CEP126: variants seen among roughly 807,000 people sequenced by gnomAD.
The protein encoded by CEP126 is centrosomal protein of 126 kDa.
A neutral mutation model predicts 107.8 loss-of-function variants in CEP126; 74 were observed. The observed-to-expected ratio is 0.69, with a 90% confidence interval of 0.57 to 0.83. The LOEUF is 0.83. CEP126 is among the 40% of genes least tolerant of loss of function. The probability of loss-of-function intolerance (pLI) is 0.00; values close to 1 mark genes in which losing one functional copy is unlikely to be tolerated. For synonymous variants in CEP126, 449 were observed against 446.0 expected (o/e 1.01, Z -0.08); for missense variants, 1,237 against 1,281.9 (o/e 0.96, Z 0.53).
chr11:101,962,076 A>G lies in CEP126; in HGVS notation c.1041A>G (p.Glu347=). ...CATGGGAATATTTTAATAGTAAAGA[A>G]CAAAATCCATCTCCTTTGAATGGAA... The part of the protein sequence containing the change: ...LPSWEYFNSK[E]QNPSPLNGTV... The change falls in exon 6 of 11, where the codon GAA becomes GAG. Residue 347 remains glutamate, a synonymous_variant. Coordinates refer to ENST00000263468, the MANE Select transcript of CEP126 (RefSeq NM_020802.4). The G allele has an allele frequency of 6.2e-7, 1 of 1,612,860 alleles. No individual in the cohort carries two copies. Among genetic ancestry groups the G allele is most frequent in the Non-Finnish European group, 8.5e-7 (1 of 1,179,442 alleles).
chr11:101,958,234 A>T lies in CEP126; in HGVS notation c.573A>T (p.Leu191Phe), dbSNP rs777182029. ...KNDHKHQKQL[L>F]SKINCEKEMN... ...ATCACAAGCATCAGAAACAACTCTTATCCAAAATCAATTGTGAGAAAGAAA... is the reference window on the plus strand; with the variant it reads ...ATCACAAGCATCAGAAACAACTCTTTTCCAAAATCAATTGTGAGAAAGAAA... Residue 191 changes from leucine (L) to phenylalanine (F), a missense_variant, in exon 5 of 11, where the codon TTA (leucine) becomes TTT (phenylalanine). Physicochemically the swap from Leu to Phe is conservative, Grantham distance 22. Coordinates refer to ENST00000263468, the MANE Select transcript of CEP126 (RefSeq NM_020802.4). 2 of 1,614,008 alleles carry T rather than the reference A, an allele frequency of 1.2e-6. No homozygotes were observed. Among genetic ancestry groups the T allele is most frequent in the Non-Finnish European group, 1.7e-6 (2 of 1,179,928 alleles).
At chr11:101,925,521 AG>A (rs978596376) in intron 2 of CEP126, among the ~76,000 whole-genome samples, 1 of 150,688 alleles carries the variant, frequency 6.6e-6, no homozygotes, top group Non-Finnish European at 1.5e-5. Flanking sequence ...CTGTAATCCT[AG>A]CACTTTGGGA....
chr11:101,999,168 T>C lies in CEP126; in HGVS notation c.*1525T>C, dbSNP rs919030760. On this transcript the variant is annotated 3_prime_UTR_variant, in exon 11 of 11. Transcript: ENST00000263468. ...ATAGAAAATATTTGAGAATTTCTTATACTATCAAGAAAAAATTCTGTGAAT... is the reference window on the plus strand; with the variant it reads ...ATAGAAAATATTTGAGAATTTCTTACACTATCAAGAAAAAATTCTGTGAAT... 6 of 152,164 alleles carry C rather than the reference T, an allele frequency of 3.9e-5. No homozygotes were observed. Among genetic ancestry groups the C allele is most frequent in the African/African-American group, 1.4e-4 (6 of 41,446 alleles). The allele number at this position is 152,164 out of a possible 1,614,324, so 9.4% of individuals were successfully genotyped here. A position where few individuals can be genotyped will look rare whatever the true frequency, so the allele number is the denominator to read the frequency against.
chr11:101,991,362 TTCG>T (rs1941379364), intron 9 of CEP126, among the ~76,000 whole-genome samples: 1 of 152,026 alleles, frequency 6.6e-6, no homozygotes, highest in South Asian at 2.1e-4. Context: ...ATATCCAGCA[TTCG>T]TCAAAAATTA....
chr11:101,974,957 G>A (rs1353212099), intron 6 of CEP126, among the ~76,000 whole-genome samples: 2 of 152,192 alleles, frequency 1.3e-5, no homozygotes, highest in African/African-American at 4.8e-5. Flanking sequence ...GAAAATTGAT[G>A]AGCAAACTGA....
At chr11:101,943,061 A>G (rs1414017133) in intron 2 of CEP126, among the ~76,000 whole-genome samples, 2 of 149,358 alleles carry the variant, frequency 1.3e-5, no homozygotes, top group Non-Finnish European at 3.0e-5. Flanking sequence ...AGTTAATTTC[A>G]CTTTTTCCTT....
intron 1 of CEP126, among the ~76,000 whole-genome samples, chr11:101,917,491 C>T (rs1011352936): frequency 1.3e-5 from 2 of 151,576 alleles, no homozygotes; most frequent in Admixed American, 6.6e-5. Context: ...TTTTCTGACT[C>T]TAAAGGTTAT....
At chr11:101,924,096 T>C (rs1039713518) in intron 2 of CEP126, among the ~76,000 whole-genome samples, 1 of 152,228 alleles carries the variant, frequency 6.6e-6, no homozygotes, top group Non-Finnish European at 1.5e-5. Flanking sequence ...AATGTAAGAA[T>C]TCTTATGTAG....
At chr11:101,981,778 C>T (rs1268397487) in intron 7 of CEP126, 111 bp from the exon 8 acceptor site, 1 of 603,040 alleles carries the variant, frequency 1.7e-6, no homozygotes, top group Non-Finnish European at 2.9e-6. Flanking sequence ...GTTACATGAA[C>T]AATTGTAGCT....
chr11:101,964,711 C>T lies in CEP126; in HGVS notation c.2845+831C>T, dbSNP rs918407890. Among the ~76,000 whole-genome samples, 4 of 151,834 alleles carry T rather than the reference C, an allele frequency of 2.6e-5. No homozygotes were observed. In the South Asian group the frequency reaches 6.2e-4, roughly 24 times the overall value. On this transcript the variant is annotated intron_variant, in intron 6 of 10. Coordinates refer to ENST00000263468, the MANE Select transcript of CEP126 (RefSeq NM_020802.4). ...TTAAGAGAATGACCCAACCAGTGCT[C>T]AACTGAAATTAGAAACTTTTGCCAG... is the stretch of plus-strand genomic sequence containing the variant.
At chr11:101,991,549 A>G (rs924627331) in intron 9 of CEP126, among the ~76,000 whole-genome samples, 2 of 152,218 alleles carry the variant, frequency 1.3e-5, no homozygotes, top group African/African-American at 4.8e-5. Flanking sequence ...AGAGATAGAC[A>G]ACATGCATGA....
rs1210703485 is a variant in CEP126, at chr11:101,962,453, G to C, written c.1418G>C (p.Arg473Thr). 1.2e-6 allele frequency: 2 copies of C among 1,613,620 alleles called. No individual in the cohort carries two copies. Among genetic ancestry groups the C allele is most frequent in the African/African-American group, 2.7e-5 (2 of 74,910 alleles). The change falls in exon 6 of 11, where the codon AGA becomes ACA. Residue 473 changes from arginine to threonine, a missense_variant. By Grantham distance (71) the Arg-to-Thr change is moderately conservative (BLOSUM62 -1). This residue lies in a region of CEP126 where 1,134 missense variants were observed against 1,150.5 expected (regional missense o/e 0.99). Coordinates refer to ENST00000263468, the MANE Select transcript of CEP126 (RefSeq NM_020802.4). ...TTGCCATCTAATATACAGTCAGCTA[G>C]ACCTTCAGCAAAGAACAGTATACAC... ...LVLPSNIQSA[R>T]PSAKNSIHIK...
chr11:101,987,138 A>G (rs933907243), intron 9 of CEP126, 97 bp downstream of exon 9: 2 of 822,008 alleles, frequency 2.4e-6, no homozygotes, highest in African/African-American at 3.5e-5. Flanking sequence ...GAAAAATACA[A>G]AATATATCCA....
At chr11:101,946,143 CT>C (rs1006338195) in intron 3 of CEP126, among the ~76,000 whole-genome samples, 13 of 148,484 alleles carry the variant, frequency 8.8e-5, no homozygotes, top group East Asian at 5.9e-4. Flanking sequence ...CATATTCATC[CT>C]TTTTTTTTTC....
At chr11:101,976,759 C>T (rs1019375499) in intron 6 of CEP126, among the ~76,000 whole-genome samples, 5 of 152,118 alleles carry the variant, frequency 3.3e-5, no homozygotes, top group Non-Finnish European at 7.3e-5. Context: ...GTTTTTTAAG[C>T]AGGCTCAGAA....
At chr11:101,981,042 G>A (rs188831573) in intron 7 of CEP126, among the ~76,000 whole-genome samples, 23 of 152,314 alleles carry the variant, frequency 1.5e-4, no homozygotes, top group African/African-American at 5.5e-4. Context: ...ATTCAGGGAA[G>A]GGAAGTTGGT....
intron 9 of CEP126, 37 bp from the exon 10 acceptor site, chr11:101,992,741 A>C: frequency 9.0e-7 from 1 of 1,108,622 alleles, no homozygotes; most frequent in Non-Finnish European, 1.3e-6. Context: ...TATATATGTA[A>C]CTAAATTATT....
At position 101,978,327 on chromosome 11, in the gene CEP126, T is replaced by C; in HGVS notation, c.2846-20T>C. On this transcript the variant is annotated intron_variant, in intron 6 of 10. Coordinates refer to ENST00000263468, the MANE Select transcript of CEP126 (RefSeq NM_020802.4). Reference sequence around the variant, plus strand: ...ACTCAACTAGCATAATTTTTAACATTGTGCTGGCATTTGTTTAAGGGTCTA... The same window carrying C: ...ACTCAACTAGCATAATTTTTAACATCGTGCTGGCATTTGTTTAAGGGTCTA... 6.6e-7 allele frequency: 1 copy of C among 1,525,030 alleles called. No individual in the cohort carries two copies. Among genetic ancestry groups the C allele is most frequent in the South Asian group, 1.2e-5 (1 of 86,730 alleles). 94.5% of individuals were successfully genotyped at this position (1,525,030 alleles called of 1,614,324 possible).
At chr11:101,953,335 A>G (rs1940838106) in intron 4 of CEP126, among the ~76,000 whole-genome samples, 4 of 152,360 alleles carry the variant, frequency 2.6e-5, no homozygotes, top group African/African-American at 7.2e-5. Context: ...CCTACTAATT[A>G]TCCAGAGAAA....
Sources: allele counts gnomAD v4.1 joint callset (sites outside exome capture counted in the v4.1 genomes callset), GRCh38; gene constraint gnomAD v4.1.1; regional missense constraint gnomAD v4.1.1; transcripts MANE v1.5; gene names NCBI Gene and HGNC (gene_info 2026-07-23, HGNC 2026-07-21).